The following ERBB4 variants were observed in gnomAD, a reference collection of about 807,000 sequenced individuals.
The protein encoded by ERBB4 is erb-b2 receptor tyrosine kinase 4.
Under a neutral mutation model 158.0 loss-of-function variants are expected in ERBB4, and 42 were observed. That is an observed-to-expected ratio of 0.27 (90% confidence interval 0.21 to 0.34). The LOEUF is 0.34. Among genes scored for constraint, ERBB4 ranks in the 10% least tolerant of loss-of-function variants. The pLI, the probability that ERBB4 is intolerant of heterozygous loss-of-function variation, is 1.00. For missense variants in ERBB4, 1,333 were observed against 1,624.1 expected, an observed-to-expected ratio of 0.82 and a Z score of 3.08; for synonymous variants, 583 against 558.7, an observed-to-expected ratio of 1.04 and a Z score of -0.61.
chr2:212,517,588 A>G (rs1691917350), intron 1 of ERBB4, among the ~76,000 whole-genome samples: 1 of 152,024 alleles, frequency 6.6e-6, no homozygotes, highest in Non-Finnish European at 1.5e-5. Context: ...CATGAGAGTG[A>G]CTGCATTCCA....
chr2:212,282,709 G>C lies in ERBB4; in HGVS notation c.83-157806C>G, dbSNP rs938149847. Among the ~76,000 whole-genome samples the C allele has an allele frequency of 2.0e-5, 3 of 151,888 alleles. No homozygotes were observed. In the Admixed American group the frequency reaches 2.0e-4, roughly 10 times the overall value. Reference sequence around the variant, plus strand: ...CTGGCTTTGCCCCAAACCCACTGAAGCAGAATCTCCAGGGAAAGTGCCTGG... The same window carrying C: ...CTGGCTTTGCCCCAAACCCACTGAACCAGAATCTCCAGGGAAAGTGCCTGG... On this transcript the variant is annotated intron_variant, in intron 1 of 27. Coordinates refer to ENST00000342788, the MANE Select transcript of ERBB4 (RefSeq NM_005235.3).
chr2:211,878,743 C>T (rs750955900), intron 3 of ERBB4, among the ~76,000 whole-genome samples: 52 of 147,032 alleles, frequency 3.5e-4, no homozygotes, highest in African/African-American at 1.2e-3. Flanking sequence ...CTGCAACCTC[C>T]GCCTCCTGGG....
chr2:211,717,060 T>C (rs1234225098), intron 7 of ERBB4, among the ~76,000 whole-genome samples: 1 of 152,214 alleles, frequency 6.6e-6, no homozygotes, highest in Non-Finnish European at 1.5e-5. Flanking sequence ...CTGGTACTTC[T>C]GCTCTCACCC....
At chr2:212,107,048 T>C (rs113953443) in intron 2 of ERBB4, among the ~76,000 whole-genome samples, 10 of 152,318 alleles carry the variant, frequency 6.6e-5, no homozygotes, top group African/African-American at 2.2e-4. Context: ...AAATTTGGGG[T>C]GGGTGCCCCC....
rs149997551 is a variant in ERBB4, at chr2:212,320,919, C to T, written c.83-196016G>A. On this transcript the variant is annotated intron_variant, in intron 1 of 27. Transcript: ENST00000342788. ...TCCAAAGTCTTGTTTGGTAAGAAAA[C>T]GAAACAAAAGAAAACCTGAAAAAAC... Among the ~76,000 whole-genome samples the T allele has an allele frequency of 5.5e-3, 821 of 149,944 alleles. 14 individuals are homozygous for T. Among genetic ancestry groups the T allele is most frequent in the African/African-American group, 0.018 (727 of 41,296 alleles).
At position 211,480,479 on chromosome 2, in the gene ERBB4, T is replaced by C. The variant is rs548143746; in HGVS notation, c.2488-49379A>G. ...CCCTTTGCTCCCTCCCCTGCCACCA[T>C]GTGAAGACAAACTTGCTTCCCCTTG... On this transcript the variant is annotated intron_variant, in intron 20 of 27. Transcript: ENST00000342788. Among the ~76,000 whole-genome samples, 5 of 152,294 alleles carry C rather than the reference T, an allele frequency of 3.3e-5. No homozygotes were observed. In the East Asian group the frequency reaches 9.6e-4, roughly 29 times the overall value.
Position 212,307,749 on chromosome 2 carries a change from A to G in ERBB4, c.83-182846T>C, listed in dbSNP as rs186262130. On this transcript the variant is annotated intron_variant, in intron 1 of 27. Coordinates refer to ENST00000342788, the MANE Select transcript of ERBB4 (RefSeq NM_005235.3). ...ACAGTCTAGTGTTTAAAATACAGAG[A>G]TTTCATGTAGTTGCTTTAAATAGCA... 2.0e-4 allele frequency among the ~76,000 whole-genome samples: 30 copies of G among 151,316 alleles called. 1 individual carries two copies. In the East Asian group the frequency reaches 5.3e-3, roughly 27 times the overall value.
chr2:211,830,888 G>A (rs565061619), intron 3 of ERBB4, among the ~76,000 whole-genome samples: 2 of 152,056 alleles, frequency 1.3e-5, no homozygotes, highest in South Asian at 4.1e-4. Context: ...ACTGCATAGA[G>A]CACTTTGATA....
intron 1 of ERBB4, among the ~76,000 whole-genome samples, chr2:212,265,877 G>T (rs1437965980): frequency 6.6e-6 from 1 of 151,990 alleles, no homozygotes; most frequent in Admixed American, 6.6e-5. Context: ...GTCCTTTTAT[G>T]AATCAAAGTT....
intron 1 of ERBB4, among the ~76,000 whole-genome samples, chr2:212,525,818 G>A (rs547430944): frequency 1.3e-5 from 2 of 152,060 alleles, no homozygotes; most frequent in East Asian, 3.9e-4. Context: ...TCTGGCAGGT[G>A]AATGACTACT....
chr2:211,932,859 A>C (rs1488436149), intron 3 of ERBB4, among the ~76,000 whole-genome samples: 1 of 152,046 alleles, frequency 6.6e-6, no homozygotes, highest in Non-Finnish European at 1.5e-5. Flanking sequence ...AATTAACATG[A>C]AAATGGCTCC....
intron 2 of ERBB4, among the ~76,000 whole-genome samples, chr2:212,079,924 T>C (rs2078386170): frequency 6.6e-6 from 1 of 152,110 alleles, no homozygotes; most frequent in African/African-American, 2.4e-5. Flanking sequence ...GATTATATAG[T>C]AGACTTTTCA....
intron 1 of ERBB4, among the ~76,000 whole-genome samples, chr2:212,380,059 A>G (rs1337317396): frequency 6.6e-6 from 1 of 151,442 alleles, no homozygotes; most frequent in African/African-American, 2.4e-5. Context: ...GCTGCCATCT[A>G]ATAAGGTTTT....
chr2:211,982,884 A>C (rs1335719449), intron 2 of ERBB4, among the ~76,000 whole-genome samples: 2 of 152,236 alleles, frequency 1.3e-5, no homozygotes, highest in Admixed American at 1.3e-4. Context: ...TTTATCATTA[A>C]AATTTCATTT....
chr2:212,425,813 A>G (rs547238556), intron 1 of ERBB4, among the ~76,000 whole-genome samples: 111 of 152,018 alleles, frequency 7.3e-4, no homozygotes, highest in African/African-American at 2.4e-3. Flanking sequence ...GCTAGTTGGT[A>G]TCCATCATTC....
At chr2:212,417,322 T>C (rs1051766673) in intron 1 of ERBB4, among the ~76,000 whole-genome samples, 1 of 152,036 alleles carries the variant, frequency 6.6e-6, no homozygotes, top group Non-Finnish European at 1.5e-5. Flanking sequence ...ACTTATACTG[T>C]CTTAAATTAA....
intron 2 of ERBB4, among the ~76,000 whole-genome samples, chr2:211,997,047 A>T (rs1191211924): frequency 6.6e-6 from 1 of 152,180 alleles, no homozygotes; most frequent in East Asian, 1.9e-4. Context: ...CAGAAATAGA[A>T]ACAGAAGGTC....
chr2:212,346,682 T>C (rs988893384), intron 1 of ERBB4, among the ~76,000 whole-genome samples: 1 of 152,120 alleles, frequency 6.6e-6, no homozygotes, highest in African/African-American at 2.4e-5. Context: ...GGACATAGTA[T>C]GTATTTCTGT....
At chr2:211,418,663 A>G (rs2063446840) in intron 25 of ERBB4, among the ~76,000 whole-genome samples, 1 of 152,144 alleles carries the variant, frequency 6.6e-6, no homozygotes, top group Non-Finnish European at 1.5e-5. Context: ...ATAGCATTGC[A>G]AGCTAAGAAA....
Sources: gnomAD v4.1 joint callset for allele counts (sites outside exome capture counted in the v4.1 genomes callset) on GRCh38, gnomAD v4.1.1 for gene constraint, MANE v1.5 for transcripts, NCBI Gene and HGNC (gene_info 2026-07-23, HGNC 2026-07-21) for gene names.